Variants in DST observed in about 807,000 individuals in gnomAD.
DST encodes the protein bullous pemphigoid antigen.
DST carries 253 observed loss-of-function variants against 875.2 expected under a neutral mutation model. The ratio of observed to expected loss-of-function variants is 0.29; its 90% CI spans 0.26 to 0.32. DST has a LOEUF of 0.32. Among genes scored for constraint, DST ranks in the 10% least tolerant of loss-of-function variants. The pLI, the probability that DST is intolerant of heterozygous loss-of-function variation, is 1.00. For synonymous variants in DST, 3,124 were observed against 3,197.1 expected (o/e 0.98, Z 0.77); for missense variants, 8,287 against 9,111.6 (o/e 0.91, Z 3.68).
chr6:56,557,193 C>A, intron 59 of DST, 126 bp downstream of exon 59: 1 of 823,686 alleles, frequency 1.2e-6, no homozygotes. Context: ...TGAAACATTA[C>A]ATATATACTT....
intron 2 of DST, among the ~76,000 whole-genome samples, chr6:56,941,105 C>A (rs2127786488): frequency 6.6e-6 from 1 of 152,292 alleles, no homozygotes; most frequent in South Asian, 2.1e-4. Context: ...CCCCCCAACA[C>A]CCTCTCCAAC....
In DST at chr6:56,466,212, G is replaced by C. The variant is rs139952901; in HGVS notation, c.22570-17C>G. The C allele has an allele frequency of 3.7e-4, 568 of 1,541,382 alleles. 2 individuals are homozygous for C. In the African/African-American group the frequency reaches 7.0e-3, roughly 19 times the overall value. On this transcript the variant is annotated splice_polypyrimidine_tract_variant and intron_variant, in intron 98 of 103. Coordinates refer to ENST00000680361, the MANE Select transcript of DST (RefSeq NM_001374736.1). ...GTCTCCAAACTGTTCAGTGAAGAAA[G>C]AAAGAACCTCTAGTTGTCAATAATA... is the stretch of plus-strand genomic sequence containing the variant.
At position 56,608,428 on chromosome 6, in the gene DST, C is replaced by A; in HGVS notation, c.6200G>T (p.Arg2067Leu). 6.2e-7 allele frequency: 1 copy of A among 1,613,742 alleles called. No individual in the cohort carries two copies. Among genetic ancestry groups the A allele is most frequent in the Non-Finnish European group, 8.5e-7 (1 of 1,179,790 alleles). ...GGGCCAAATGAGTCCAACATAGCCT[C>A]GCTGAGCTTCCAGGACCAGAAGAGC... ...SSALLVLEAQRGYVGLIWPHS... is the reference protein window; with the variant it reads ...SSALLVLEAQLGYVGLIWPHS... Residue 2067 changes from arginine (R) to leucine (L), a missense_variant, in exon 40 of 104, where the codon CGA becomes CTA. Physicochemically the swap from Arg to Leu is moderately radical, Grantham distance 102 (BLOSUM62 -2). Around this residue, in one of 10 missense-constraint regions of DST, gnomAD observed 3,138 missense variants for 3,116.6 expected, o/e 1.01. Transcript: ENST00000680361.
chr6:56,500,747 T>C (rs2096091367), intron 80 of DST, among the ~76,000 whole-genome samples: 1 of 152,118 alleles, frequency 6.6e-6, no homozygotes, highest in Admixed American at 6.6e-5. Flanking sequence ...CTTTAAAAAA[T>C]AGGTGACATT....
chr6:56,501,105 A>G lies in DST; in HGVS notation c.19871T>C (p.Ile6624Thr), dbSNP rs575226488. The change falls in exon 80 of 104, where the codon ATT becomes ACT. Residue 6624 changes from isoleucine (I) to threonine (T), a missense_variant. Ile to Thr is a moderately conservative substitution (Grantham distance 89, BLOSUM62 -1). Coordinates refer to ENST00000680361, the MANE Select transcript of DST (RefSeq NM_001374736.1). ...QKPVGGDPKA[I>T]EIELAKHHVL... ...ATGATGCTTGGCAAGTTCAATTTCA[A>G]TGGCTTTAGGGTCTCCTCCAACAGG... The G allele has an allele frequency of 2.5e-6, 4 of 1,612,574 alleles. No homozygotes were observed. The highest frequency in any genetic ancestry group is 3.4e-6 in the Non-Finnish European group (4 of 1,179,096).
At chr6:56,589,559 G>T (rs761457244) in intron 49 of DST, among the ~76,000 whole-genome samples, 3 of 152,198 alleles carry the variant, frequency 2.0e-5, no homozygotes, top group Admixed American at 6.5e-5. Flanking sequence ...ATTCATAAAA[G>T]TTTCCTGACT....
chr6:56,483,406 G>A (rs1194184088), intron 88 of DST: 1 of 151,696 alleles, frequency 6.6e-6, no homozygotes, highest in Non-Finnish European at 1.5e-5. Flanking sequence ...GTTGGCAGAT[G>A]GTCTTTTATT....
At chr6:56,498,115 G>A (rs1015380062) in intron 80 of DST, 62 bp from the exon 81 acceptor site, 1 of 1,453,430 alleles carries the variant, frequency 6.9e-7, no homozygotes, top group African/African-American at 1.4e-5. Context: ...CATCTTTAAT[G>A]CAATTGTTTT....
At chr6:56,561,833 A>G (rs1481022690) in intron 56 of DST, among the ~76,000 whole-genome samples, 1 of 152,188 alleles carries the variant, frequency 6.6e-6, no homozygotes, top group Non-Finnish European at 1.5e-5. Context: ...TATCTCAAGC[A>G]CCAAACTCAA....
chr6:56,674,425 G>A (rs1312494604), intron 9 of DST, among the ~76,000 whole-genome samples: 2 of 151,968 alleles, frequency 1.3e-5, no homozygotes, highest in Non-Finnish European at 2.9e-5. Context: ...AGCCTCCCAA[G>A]TAGCTGGGAC....
At chr6:56,901,674 T>C (rs1794203654) in intron 2 of DST, among the ~76,000 whole-genome samples, 1 of 152,058 alleles carries the variant, frequency 6.6e-6, no homozygotes. Context: ...TGTGTGTATA[T>C]ATATATACAT....
intron 99 of DST, 104 bp downstream of exon 99, chr6:56,465,974 C>T (rs2094561598): frequency 6.3e-6 from 5 of 795,344 alleles, no homozygotes; most frequent in Admixed American, 2.2e-5. Context: ...GAAACATTCA[C>T]TATTGGAATA....
At chr6:56,950,614 G>A (rs896289347) in intron 2 of DST, among the ~76,000 whole-genome samples, 4 of 152,284 alleles carry the variant, frequency 2.6e-5, no homozygotes, top group Non-Finnish European at 5.9e-5. Flanking sequence ...AGACTGTCTT[G>A]CTACATCAAT....
At chr6:56,601,422 A>T in intron 44 of DST, 21 bp downstream of exon 44, 1 of 1,497,842 alleles carries the variant, frequency 6.7e-7, no homozygotes, top group Non-Finnish European at 9.1e-7. Flanking sequence ...ATGAATGCCA[A>T]CTCCACGAAG....
chr6:56,687,264 C>CA (rs1450815066), intron 9 of DST, among the ~76,000 whole-genome samples: 1 of 152,124 alleles, frequency 6.6e-6, no homozygotes, highest in Non-Finnish European at 1.5e-5. Flanking sequence ...CTATTCGAGA[C>CA]AGTGTAGGTA....
intron 32 of DST, 65 bp downstream of exon 32, chr6:56,629,185 T>C: frequency 6.6e-7 from 1 of 1,516,518 alleles, no homozygotes; most frequent in East Asian, 2.3e-5. Flanking sequence ...TATGTGTAGA[T>C]TTTACTCATT....
At chr6:56,842,056 G>A (rs1465836502) in intron 4 of DST, among the ~76,000 whole-genome samples, 2 of 151,650 alleles carry the variant, frequency 1.3e-5, no homozygotes, top group African/African-American at 2.4e-5. Flanking sequence ...GGCTTTTTGG[G>A]GCTTTGGAAT....
chr6:56,540,435 C>T (rs757763904), intron 61 of DST: 1 of 152,626 alleles, frequency 6.6e-6, no homozygotes, highest in Non-Finnish European at 1.5e-5. Flanking sequence ...GCCTCCACTT[C>T]CTCTTTAGAT....
intron 64 of DST, among the ~76,000 whole-genome samples, chr6:56,531,021 C>T (rs1198066398): frequency 6.6e-6 from 1 of 152,126 alleles, no homozygotes; most frequent in Non-Finnish European, 1.5e-5. Context: ...TTGGCATAAG[C>T]TATTAAACAT....
Sources: gnomAD v4.1 joint callset for allele counts (sites outside exome capture counted in the v4.1 genomes callset) on GRCh38, gnomAD v4.1.1 for gene constraint, gnomAD v4.1.1 regional missense constraint, MANE v1.5 for transcripts, NCBI Gene and HGNC (gene_info 2026-07-23, HGNC 2026-07-21) for gene names.